Variants in LIMA1 observed in about 807,000 individuals in gnomAD.
The protein encoded by LIMA1 is LIM domain and actin binding 1, also known as LIM domain and actin-binding protein 1.
In LIMA1, 52 loss-of-function variants were observed where a neutral mutation model predicts 62.6. The ratio of observed to expected loss-of-function variants is 0.83; its 90% CI spans 0.67 to 1.05. LIMA1 has a LOEUF of 1.05. Ranked by LOEUF, LIMA1 falls within the 50% of genes least tolerant of loss-of-function variation. LIMA1 has a pLI of 0.00. For synonymous variants in LIMA1, 302 were observed against 317.8 expected, an observed-to-expected ratio of 0.95 and a Z score of 0.53; for missense variants, 780 against 902.2, an observed-to-expected ratio of 0.86 and a Z score of 1.74.
chr12:50,267,631 T>C (rs1942155763), intron 1 of LIMA1, among the ~76,000 whole-genome samples: 1 of 152,238 alleles, frequency 6.6e-6, no homozygotes, highest in African/African-American at 2.4e-5. Flanking sequence ...GCAATTCTCC[T>C]GCCTCAGCCT....
At chr12:50,240,061 A>ATAACATAACATAACATAACATAACATAAC (rs1454888061) in intron 2 of LIMA1, among the ~76,000 whole-genome samples, 1 of 121,486 alleles carries the variant, frequency 8.2e-6, no homozygotes, top group African/African-American at 3.2e-5. Flanking sequence ...CATAACATAA[A>ATAACATAACATAACATAACATAACATAAC]ATAAAAAATT....
chr12:50,196,682 C>T (rs1481649592), intron 7 of LIMA1, among the ~76,000 whole-genome samples: 2 of 152,142 alleles, frequency 1.3e-5, no homozygotes, highest in Admixed American at 6.5e-5. Flanking sequence ...TCAGATGCCA[C>T]GGATTTTATG....
At chr12:50,195,256 G>A (rs1018095838) in intron 8 of LIMA1, among the ~76,000 whole-genome samples, 8 of 151,968 alleles carry the variant, frequency 5.3e-5, no homozygotes, top group African/African-American at 1.9e-4. Flanking sequence ...AGTGGACATA[G>A]TCAAGTAAAA....
At chr12:50,192,978 CTGTGTG>C (rs558118348) in intron 8 of LIMA1, among the ~76,000 whole-genome samples, 7 of 145,104 alleles carry the variant, frequency 4.8e-5, no homozygotes, top group South Asian at 2.3e-4. Flanking sequence ...ATTTTGTACT[CTGTGTG>C]TGTGTGTGTG....
Position 50,245,998 on chromosome 12 carries a change from T to C in LIMA1, c.119+2635A>G, listed in dbSNP as rs559084657. Among the ~76,000 whole-genome samples the C allele has an allele frequency of 4.8e-5, 7 of 145,928 alleles. No individual in the cohort carries two copies. The East Asian group carries it at 1.2e-3, about 25-fold the overall frequency. ...CCTGTAATCCCAGCACTTTGGGAGG[T>C]CGAGGTGGGCAGATCATGAGGTCAG... On this transcript the variant is annotated intron_variant, in intron 2 of 10. Transcript: ENST00000341247.
chr12:50,191,286 G>A (rs573676596), intron 9 of LIMA1: 1 of 151,542 alleles, frequency 6.6e-6, no homozygotes, highest in South Asian at 2.1e-4. Flanking sequence ...AGCACTTTGG[G>A]AGGCCGAGGC....
At chr12:50,189,099 T>G (rs945877454) in intron 9 of LIMA1, 1 of 152,242 alleles carries the variant, frequency 6.6e-6, no homozygotes, top group Non-Finnish European at 1.5e-5. Flanking sequence ...CATGTACAGA[T>G]TCAATCACCA....
intron 9 of LIMA1, chr12:50,185,595 A>T: frequency 4.9e-6 from 2 of 411,162 alleles, no homozygotes; most frequent in Non-Finnish European, 9.7e-6. Flanking sequence ...TAACTCTGCT[A>T]ATCATGGCAA....
In LIMA1 at chr12:50,222,410, G is replaced by GC; in HGVS notation, c.240dup (p.Leu81AlafsTer16). The GC allele has an allele frequency of 6.2e-7, 1 of 1,614,160 alleles. No individual in the cohort carries two copies. The highest frequency in any genetic ancestry group is 2.2e-5 in the East Asian group (1 of 44,886). ...GAGTCTGTGTGAGACTCTGCTCCCA[G>GC]CCCTGGGTTCTCCCACTTCTTCTTT... is the stretch of plus-strand genomic sequence containing the variant. On this transcript the variant is annotated frameshift_variant, in exon 4 of 11. Transcript: ENST00000341247. LOFTEE classifies it high-confidence loss of function.
chr12:50,222,779 C>T (rs1018250820), intron 3 of LIMA1: 15 of 919,600 alleles, frequency 1.6e-5, no homozygotes, highest in African/African-American at 8.5e-5. Flanking sequence ...TAGTTACATG[C>T]GAAACAAGAG....
chr12:50,252,269 G>A (rs950004473), intron 1 of LIMA1, among the ~76,000 whole-genome samples: 1 of 152,226 alleles, frequency 6.6e-6, no homozygotes, highest in Non-Finnish European at 1.5e-5. Flanking sequence ...AACTCTAGGT[G>A]CAAGAGAAGT....
intron 4 of LIMA1, among the ~76,000 whole-genome samples, chr12:50,216,359 C>T (rs907440793): frequency 1.3e-5 from 2 of 151,992 alleles, no homozygotes; most frequent in African/African-American, 4.8e-5. Flanking sequence ...GGATTACAGA[C>T]ATGCACCACC....
At chr12:50,203,008 CTT>C (rs11292692) in intron 6 of LIMA1, among the ~76,000 whole-genome samples, 2,177 of 121,386 alleles carry the variant, frequency 0.018, 35 homozygotes, top group African/African-American at 0.065. Flanking sequence ...AGGTAACTTC[CTT>C]TTTTTTTTTT....
intron 1 of LIMA1, among the ~76,000 whole-genome samples, chr12:50,267,562 C>T (rs555918821): frequency 2.6e-4 from 39 of 151,720 alleles, no homozygotes; most frequent in African/African-American, 9.2e-4. Flanking sequence ...GCTCTGTCGC[C>T]AGGCTGGAGT....
chr12:50,267,603 T>C (rs1324032071), intron 1 of LIMA1, among the ~76,000 whole-genome samples: 4 of 151,802 alleles, frequency 2.6e-5, no homozygotes, highest in Non-Finnish European at 5.9e-5. Context: ...CACTACAACC[T>C]CCACTTCCTG....
intron 3 of LIMA1, among the ~76,000 whole-genome samples, chr12:50,228,385 T>C (rs1364712455): frequency 6.6e-6 from 1 of 152,332 alleles, no homozygotes; most frequent in East Asian, 1.9e-4. Context: ...CAACACAAGA[T>C]GACCAATGAC....
At chr12:50,218,907 AAACAAAAAC>A (rs1941396396) in intron 4 of LIMA1, among the ~76,000 whole-genome samples, 1 of 138,552 alleles carries the variant, frequency 7.2e-6, no homozygotes, top group African/African-American at 2.8e-5. Flanking sequence ...AAAAAAAAAA[AAACAAAAAC>A]AAAAAAAAAA....
intron 9 of LIMA1, among the ~76,000 whole-genome samples, chr12:50,191,525 C>CA (rs1313205197): frequency 6.6e-6 from 1 of 150,822 alleles, no homozygotes; most frequent in Non-Finnish European, 1.5e-5. Flanking sequence ...GACCCTGTCT[C>CA]AAAAAAACAA....
intron 7 of LIMA1, among the ~76,000 whole-genome samples, chr12:50,199,239 G>A (rs1347741352): frequency 6.6e-6 from 1 of 152,146 alleles, no homozygotes; most frequent in African/African-American, 2.4e-5. Flanking sequence ...GCTGCGGCAG[G>A]AGAATTGCTT....
Sources: allele counts gnomAD v4.1 joint callset (sites outside exome capture counted in the v4.1 genomes callset), GRCh38; gene constraint gnomAD v4.1.1; transcripts MANE v1.5; gene names NCBI Gene and HGNC (gene_info 2026-07-23, HGNC 2026-07-21).